UBE3C: variants seen among roughly 807,000 people sequenced by gnomAD.
UBE3C encodes ubiquitin protein ligase E3C.
Under a neutral mutation model 129.4 loss-of-function variants are expected in UBE3C, and 42 were observed. The observed-to-expected ratio is 0.32, with a 90% CI of 0.25 to 0.42. The LOEUF (loss-of-function observed/expected upper bound fraction) is 0.42, where lower values mean the gene tolerates loss of function less well. Ranked by LOEUF, UBE3C falls within the 10% of genes least tolerant of loss-of-function variation. The pLI, the probability that UBE3C is intolerant of heterozygous loss-of-function variation, is 1.00. For missense variants in UBE3C, 1,049 were observed against 1,319.1 expected (o/e 0.80, Z 3.17); for synonymous variants, 510 against 492.4 (o/e 1.04, Z -0.47).
At chr7:157,265,763 C>G (rs913099439) in intron 22 of UBE3C, among the ~76,000 whole-genome samples, 4 of 152,156 alleles carry the variant, frequency 2.6e-5, no homozygotes. Context: ...TCTCTGGGAG[C>G]ACTTAAGACG....
At chr7:157,153,583 G>A (rs984422054) in intron 1 of UBE3C, among the ~76,000 whole-genome samples, 6 of 152,122 alleles carry the variant, frequency 3.9e-5, no homozygotes, top group African/African-American at 1.4e-4. Context: ...GATTACAGGT[G>A]TGAGCCACAC....
rs569510288 is a variant in UBE3C, at chr7:157,243,545, T to C, written c.2482-4823T>C. ...CTTTAGGGCACCTGCCAGTGGAGTA[T>C]TAGAGTGAGGCCCACGGCCTGGCCC... On this transcript the variant is annotated intron_variant, in intron 18 of 22. Coordinates refer to ENST00000348165, the MANE Select transcript of UBE3C (RefSeq NM_014671.3). Among the ~76,000 whole-genome samples, 28 of 152,298 alleles carry C rather than the reference T, an allele frequency of 1.8e-4. No homozygotes were observed. In the South Asian group the frequency reaches 5.0e-3, roughly 27 times the overall value.
At position 157,139,687 on chromosome 7, in the gene UBE3C, G is replaced by C. The variant is rs150409893; in HGVS notation, c.66+349G>C. Among the ~76,000 whole-genome samples, 798 of 152,362 alleles carry C rather than the reference G, an allele frequency of 5.2e-3. 5 individuals are homozygous for C. The highest frequency in any genetic ancestry group is 0.018 in the African/African-American group (748 of 41,594). On this transcript the variant is annotated intron_variant, in intron 1 of 22. Coordinates refer to ENST00000348165, the MANE Select transcript of UBE3C (RefSeq NM_014671.3). ...GGCCGTGGCTCCCTTCCATGCAGGA[G>C]GCCGGTGAACCCTGGCACGCTTTGT...
chr7:157,163,854 A>G lies in UBE3C; in HGVS notation c.111A>G (p.Arg37=). The change falls in exon 2 of 23, where the codon AGA becomes AGG. Residue 37 remains arginine (R), a synonymous_variant. Coordinates refer to ENST00000348165, the MANE Select transcript of UBE3C (RefSeq NM_014671.3). ...SLLHRTQEER[R]KREEERRRLK... is the part of the protein sequence containing the mutation. ...TACATCGTACTCAGGAAGAAAGAAG[A>G]AAGAGAGAGGTAAAAACAGTTTTGT... 6.2e-7 allele frequency: 1 copy of G among 1,613,522 alleles called. No individual in the cohort carries two copies. Among genetic ancestry groups the G allele is most frequent in the Non-Finnish European group, 8.5e-7 (1 of 1,179,688 alleles).
In UBE3C at chr7:157,254,012, C is replaced by G. The variant is rs370620880; in HGVS notation, c.2753C>G (p.Ala918Gly). Reference protein sequence around the residue: ...DIPVTSANRIAYIHLVADYRL... With the variant: ...DIPVTSANRIGYIHLVADYRL... The stretch of plus-strand genomic sequence containing the variant: ...CCTGTCACCAGCGCCAACCGGATTG[C>G]GTACATCCACTTGGTGGCAGACTAC... Residue 918 changes from alanine (A) to glycine (G), a missense_variant, in exon 20 of 23, where the codon GCG becomes GGG. Ala to Gly is a moderately conservative substitution (Grantham distance 60). Around this residue, in one of 4 missense-constraint regions of UBE3C, gnomAD observed 243 missense variants for 368.7 expected, o/e 0.66. Transcript: ENST00000348165. 1.9e-6 allele frequency: 3 copies of G among 1,612,888 alleles called. No homozygotes were observed. Among genetic ancestry groups the G allele is most frequent in the Non-Finnish European group, 2.5e-6 (3 of 1,179,536 alleles).
At chr7:157,155,853 T>TA (rs1563030877) in intron 1 of UBE3C, among the ~76,000 whole-genome samples, 5 of 152,234 alleles carry the variant, frequency 3.3e-5, no homozygotes, top group African/African-American at 1.2e-4. Context: ...GGTGGGTAGT[T>TA]ACAGCAGGGA....
Position 157,141,298 on chromosome 7 carries a change from C to T in UBE3C, c.66+1960C>T, listed in dbSNP as rs113559705. 5.1e-3 allele frequency among the ~76,000 whole-genome samples: 774 copies of T among 152,274 alleles called. 4 individuals are homozygous for T. The highest frequency in any genetic ancestry group is 8.8e-3 in the African/African-American group (365 of 41,550). On this transcript the variant is annotated intron_variant, in intron 1 of 22. Coordinates refer to ENST00000348165, the MANE Select transcript of UBE3C (RefSeq NM_014671.3). ...ACTCTCCTGTAGATGGAACACCACT[C>T]ACATCAAAGGAAGACCATCCCCAGC...
rs201008953 is a variant in UBE3C at position 157,261,305 on chromosome 7, T to TG, written c.3081+4262dup. 4.1e-4 allele frequency among the ~76,000 whole-genome samples: 7 copies of TG among 16,916 alleles called. 1 individual carries two copies. Among genetic ancestry groups the TG allele is most frequent in the Admixed American group, 1.0e-3 (1 of 956 alleles). The allele number at this position is 16,916 out of a possible 152,430, so 11.1% of individuals were successfully genotyped here. ...TGGGCAACAAGAGCAAAACTCTGTC[T>TG]GAAAAAAAAAAAAAAAAAAAAAAAA... is the stretch of plus-strand genomic sequence containing the variant. On this transcript the variant is annotated intron_variant, in intron 22 of 22. Coordinates refer to ENST00000348165, the MANE Select transcript of UBE3C (RefSeq NM_014671.3).
intron 18 of UBE3C, among the ~76,000 whole-genome samples, chr7:157,241,975 G>A (rs1796342074): frequency 6.6e-6 from 1 of 152,212 alleles, no homozygotes; most frequent in South Asian, 2.1e-4. Flanking sequence ...GACAGAAGGT[G>A]GGTGAGTGAT....
intron 1 of UBE3C, among the ~76,000 whole-genome samples, chr7:157,151,900 C>T (rs187780148): frequency 3.3e-5 from 5 of 152,158 alleles, no homozygotes; most frequent in Admixed American, 1.3e-4. Flanking sequence ...GTAAAGTGGC[C>T]GTCATCTGAG....
rs565859467 is a variant in UBE3C at position 157,189,611 on chromosome 7, C to T, written c.1331+2590C>T. On this transcript the variant is annotated intron_variant, in intron 10 of 22. Transcript: ENST00000348165. ...GAGGCCTGCGGTGCCCACTCAGCCC[C>T]GCGGCATTCCTGGCCTTTGTGTGTA... Among the ~76,000 whole-genome samples the T allele has an allele frequency of 2.5e-4, 38 of 152,330 alleles. No individual in the cohort carries two copies. The South Asian group carries it at 7.5e-3, about 30-fold the overall frequency.
At chr7:157,233,156 T>G (rs1027919908) in intron 18 of UBE3C, among the ~76,000 whole-genome samples, 10 of 152,218 alleles carry the variant, frequency 6.6e-5, no homozygotes, top group African/African-American at 2.4e-4. Context: ...ATATCAACTA[T>G]AAATTTGTGA....
rs1809685559 is a variant in UBE3C, at chr7:157,214,638, C to G, written c.1810-2229C>G. On this transcript the variant is annotated intron_variant, in intron 13 of 22. Coordinates refer to ENST00000348165, the MANE Select transcript of UBE3C (RefSeq NM_014671.3). ...TAATTGGTCACAAAAATGGAAAGAC[C>G]AGACACGAACATCTTCATACAAAAA... Among the ~76,000 whole-genome samples, 4 of 152,086 alleles carry G rather than the reference C, an allele frequency of 2.6e-5. No homozygotes were observed. The South Asian group carries it at 8.3e-4, about 31-fold the overall frequency.
intron 18 of UBE3C, among the ~76,000 whole-genome samples, chr7:157,235,487 G>A (rs1796131081): frequency 6.6e-6 from 1 of 152,126 alleles, no homozygotes; most frequent in African/African-American, 2.4e-5. Flanking sequence ...ATGTAAGTCT[G>A]GTGAGGATAA....
chr7:157,253,381 T>C (rs1796666715), intron 19 of UBE3C, among the ~76,000 whole-genome samples: 1 of 152,240 alleles, frequency 6.6e-6, no homozygotes, highest in Admixed American at 6.5e-5. Context: ...AGCCACGTAC[T>C]AATAAAAAGT....
chr7:157,217,076 T>A, intron 14 of UBE3C, 105 bp downstream of exon 14: 2 of 851,686 alleles, frequency 2.3e-6, no homozygotes, highest in Non-Finnish European at 3.6e-6. Flanking sequence ...ATTTTATGAC[T>A]CATATGACTA....
At position 157,240,047 on chromosome 7, in the gene UBE3C, G is replaced by A. The variant is rs534904328; in HGVS notation, c.2482-8321G>A. On this transcript the variant is annotated intron_variant, in intron 18 of 22. Transcript: ENST00000348165. Reference sequence around the variant, plus strand: ...CAGACCTTCTGAATCTGGAACTCTAGGGCTAGGGCTCAGCAAGCTGTGTGT... The same window carrying A: ...CAGACCTTCTGAATCTGGAACTCTAAGGCTAGGGCTCAGCAAGCTGTGTGT... Among the ~76,000 whole-genome samples the A allele has an allele frequency of 5.2e-4, 79 of 152,304 alleles. 1 individual carries two copies. Among genetic ancestry groups the A allele is most frequent in the Non-Finnish European group, 1.0e-3 (71 of 68,032 alleles).
At chr7:157,183,593 C>G (rs1046303039) in intron 8 of UBE3C, among the ~76,000 whole-genome samples, 2 of 152,080 alleles carry the variant, frequency 1.3e-5, no homozygotes, top group African/African-American at 4.8e-5. Context: ...ATTCTGAGTC[C>G]CCTAGATGGC....
intron 20 of UBE3C, 46 bp from the exon 21 acceptor site, chr7:157,254,194 GCTTT>G: frequency 6.2e-7 from 1 of 1,607,464 alleles, no homozygotes. Context: ...AAATGAACAG[GCTTT>G]CTTAAAATTT....
Sources: gnomAD v4.1 joint callset for allele counts (sites outside exome capture counted in the v4.1 genomes callset) on GRCh38, gnomAD v4.1.1 for gene constraint, gnomAD v4.1.1 regional missense constraint, MANE v1.5 for transcripts, NCBI Gene and HGNC (gene_info 2026-07-23, HGNC 2026-07-21) for gene names.